ADGRV1: variants seen among roughly 807,000 people sequenced by gnomAD.
The protein encoded by ADGRV1 is G-protein coupled receptor 98.
In ADGRV1, 359 loss-of-function variants were observed where a neutral mutation model predicts 596.2. The ratio of observed to expected loss-of-function variants is 0.60; its 90% CI spans 0.55 to 0.66. ADGRV1 has a LOEUF of 0.66. Among genes scored for constraint, ADGRV1 ranks in the 30% least tolerant of loss-of-function variants. The pLI is 0.00. For synonymous variants in ADGRV1, 2,681 were observed against 2,679.2 expected, an observed-to-expected ratio of 1.00 and a Z score of -0.02; for missense variants, 7,274 against 7,575.6, an observed-to-expected ratio of 0.96 and a Z score of 1.48.
At chr5:90,808,901 A>G (rs1344728754) in intron 73 of ADGRV1, among the ~76,000 whole-genome samples, 1 of 152,136 alleles carries the variant, frequency 6.6e-6, no homozygotes, top group African/African-American at 2.4e-5. Flanking sequence ...CTCCGTATCA[A>G]AAACAACAAG....
At position 90,724,878 on chromosome 5, in the gene ADGRV1, A is replaced by G. The variant is rs1232890901; in HGVS notation, c.9795A>G (p.Glu3265=). The G allele has an allele frequency of 6.2e-7, 1 of 1,613,118 alleles. No individual in the cohort carries two copies. The highest frequency in any genetic ancestry group is 1.1e-5 in the South Asian group (1 of 91,036). ...VFSVFQSFLD[E]SASGWCFFTL... ...CCGTATTTCAAAGTTTTTTGGATGA[A>G]TCAGCTTCTGGCTGGTGTTTCTTTA... Residue 3265 remains glutamate (E), a synonymous_variant, in exon 46 of 90, where the codon GAA becomes GAG. Transcript: ENST00000405460.
intron 28 of ADGRV1, 91 bp from the exon 29 acceptor site, chr5:90,685,689 T>C: frequency 3.0e-6 from 2 of 667,408 alleles, no homozygotes; most frequent in East Asian, 2.9e-5. Flanking sequence ...ATTTGGCTGA[T>C]GGAATCTTGC....
intron 1 of ADGRV1, among the ~76,000 whole-genome samples, chr5:90,596,006 G>A (rs1385699352): frequency 2.3e-4 from 34 of 148,114 alleles, no homozygotes; most frequent in Admixed American, 1.1e-3. Context: ...GGCGGCTGCC[G>A]GGCGGAGAGG....
At chr5:91,003,846 A>G (rs188007195) in intron 85 of ADGRV1, among the ~76,000 whole-genome samples, 90 of 152,304 alleles carry the variant, frequency 5.9e-4, no homozygotes, top group Middle Eastern at 6.8e-3. Flanking sequence ...ACTCAGATGT[A>G]AGAAGGACAT....
chr5:91,161,631 G>A (rs1422405458), intron 89 of ADGRV1, among the ~76,000 whole-genome samples: 4 of 151,526 alleles, frequency 2.6e-5, no homozygotes, highest in African/African-American at 9.7e-5. Context: ...CAATATTCTG[G>A]TTCTTGAAGA....
chr5:90,921,717 G>A (rs1448065394), intron 83 of ADGRV1, among the ~76,000 whole-genome samples: 3 of 151,648 alleles, frequency 2.0e-5, no homozygotes, highest in Admixed American at 1.3e-4. Flanking sequence ...TAAAAACTAA[G>A]CTGCTGGAAC....
chr5:91,007,305 G>A (rs1424907307), intron 85 of ADGRV1, among the ~76,000 whole-genome samples: 1 of 152,070 alleles, frequency 6.6e-6, no homozygotes, highest in Non-Finnish European at 1.5e-5. Flanking sequence ...CACTTTACTG[G>A]CTCCTGATAA....
chr5:90,638,012 T>G (rs1580543814), intron 11 of ADGRV1, 64 bp downstream of exon 11: 1 of 703,292 alleles, frequency 1.4e-6, no homozygotes, highest in African/African-American at 2.6e-5. Flanking sequence ...ATAACTTTGA[T>G]TTTTTTTTTA....
chr5:90,730,135 G>A (rs1177728836), intron 50 of ADGRV1, among the ~76,000 whole-genome samples: 1 of 152,176 alleles, frequency 6.6e-6, no homozygotes, highest in East Asian at 1.9e-4. Flanking sequence ...GGGATTATAG[G>A]CGTGAGCCAC....
intron 83 of ADGRV1, among the ~76,000 whole-genome samples, chr5:90,956,259 C>A (rs7725572): frequency 0.31 from 46,928 of 151,848 alleles, 7,799 homozygotes; most frequent in African/African-American, 0.44. Flanking sequence ...TGTATTCAGA[C>A]TATGTATCAG....
At chr5:90,754,881 C>T in intron 54 of ADGRV1, 102 bp from the exon 55 acceptor site, 1 of 744,150 alleles carries the variant, frequency 1.3e-6, no homozygotes. Flanking sequence ...TTTTCCTTAA[C>T]TGTCTACAAG....
intron 85 of ADGRV1, among the ~76,000 whole-genome samples, chr5:91,057,119 A>C (rs1300186000): frequency 6.6e-6 from 1 of 152,220 alleles, no homozygotes; most frequent in Non-Finnish European, 1.5e-5. Context: ...GTAATAGGCC[A>C]ACTATATGAG....
chr5:90,969,769 T>A (rs1458249311), intron 84 of ADGRV1, among the ~76,000 whole-genome samples: 2 of 152,164 alleles, frequency 1.3e-5, no homozygotes, highest in African/African-American at 4.8e-5. Context: ...CAAATAGGAA[T>A]AGCTCCAGTC....
At chr5:90,936,290 TCTCA>T (rs1775679329) in intron 83 of ADGRV1, among the ~76,000 whole-genome samples, 1 of 152,096 alleles carries the variant, frequency 6.6e-6, no homozygotes, top group Non-Finnish European at 1.5e-5. Flanking sequence ...TGTTCTCCTC[TCTCA>T]CACACACACA....
chr5:91,070,355 AG>A lies in ADGRV1; in HGVS notation c.18153-2090del, dbSNP rs1231068340. On this transcript the variant is annotated intron_variant, in intron 85 of 89. Transcript: ENST00000405460. ...CTTATATTTTGGATTCCTTCTAAAC[AG>A]GCTATGCGTGATTCCCCCTGAGTTG... Among the ~76,000 whole-genome samples the A allele has an allele frequency of 2.6e-5, 4 of 152,222 alleles. No homozygotes were observed. In the East Asian group the frequency reaches 7.7e-4, roughly 29 times the overall value.
intron 57 of ADGRV1, among the ~76,000 whole-genome samples, chr5:90,758,348 C>A (rs998724029): frequency 5.3e-5 from 8 of 152,002 alleles, no homozygotes; most frequent in African/African-American, 1.9e-4. Flanking sequence ...AAACAAAAAA[C>A]AAAAAACCGG....
intron 86 of ADGRV1, among the ~76,000 whole-genome samples, chr5:91,101,327 T>G (rs976586709): frequency 6.6e-6 from 1 of 152,182 alleles, no homozygotes; most frequent in Non-Finnish European, 1.5e-5. Flanking sequence ...ATTTCCATAG[T>G]GGACGAGGAT....
At chr5:90,592,117 T>C (rs1759581368) in intron 1 of ADGRV1, among the ~76,000 whole-genome samples, 1 of 152,248 alleles carries the variant, frequency 6.6e-6, no homozygotes, top group Non-Finnish European at 1.5e-5. Context: ...CTCCTGGGTA[T>C]CAACCCAGAG....
At chr5:90,929,244 T>G (rs1774938575) in intron 83 of ADGRV1, 1 of 157,204 alleles carries the variant, frequency 6.4e-6, no homozygotes, top group African/African-American at 2.4e-5. Context: ...GCTGCCGCCT[T>G]GCAGGTTGAT....
Sources: allele counts gnomAD v4.1 joint callset (sites outside exome capture counted in the v4.1 genomes callset), GRCh38; gene constraint gnomAD v4.1.1; transcripts MANE v1.5; gene names NCBI Gene and HGNC (gene_info 2026-07-23, HGNC 2026-07-21).